The following AGBL4 variants were observed in gnomAD, a reference collection of about 807,000 sequenced individuals.
AGBL4 encodes the protein AGBL carboxypeptidase 4.
A neutral mutation model predicts 66.4 loss-of-function variants in AGBL4; 58 were observed. The ratio of observed to expected loss-of-function variants is 0.87; its 90% CI spans 0.71 to 1.09. The LOEUF (loss-of-function observed/expected upper bound fraction) is 1.09. Among genes scored for constraint, AGBL4 ranks in the 50% least tolerant of loss-of-function variants. The probability of loss-of-function intolerance (pLI) is 0.00; values close to 1 mark genes in which losing one functional copy is unlikely to be tolerated. For synonymous variants in AGBL4, 234 were observed against 222.9 expected, an observed-to-expected ratio of 1.05 and a Z score of -0.44; for missense variants, 579 against 631.0, an observed-to-expected ratio of 0.92 and a Z score of 0.88.
intron 4 of AGBL4, among the ~76,000 whole-genome samples, chr1:49,140,356 C>G (rs976446946): frequency 6.6e-6 from 1 of 152,236 alleles, no homozygotes; most frequent in Non-Finnish European, 1.5e-5. Flanking sequence ...GGGCAAAGAA[C>G]TAACAAATTC....
intron 1 of AGBL4, among the ~76,000 whole-genome samples, chr1:49,971,186 T>C (rs1487353183): frequency 6.6e-6 from 1 of 152,200 alleles, no homozygotes; most frequent in African/African-American, 2.4e-5. Context: ...CCAGAAACAA[T>C]TTATGAGTTT....
At chr1:49,291,261 ACT>A (rs1305597775) in intron 3 of AGBL4, among the ~76,000 whole-genome samples, 2 of 152,128 alleles carry the variant, frequency 1.3e-5, no homozygotes, top group African/African-American at 4.8e-5. Flanking sequence ...TTTTCAGAAG[ACT>A]CTCTTATATA....
chr1:49,834,261 C>T (rs1480877963), intron 2 of AGBL4, among the ~76,000 whole-genome samples: 3 of 152,060 alleles, frequency 2.0e-5, no homozygotes, highest in Non-Finnish European at 2.9e-5. Context: ...AATTTCAGAA[C>T]CTCTTATTGG....
intron 11 of AGBL4, among the ~76,000 whole-genome samples, chr1:48,545,242 T>C (rs1644139513): frequency 6.6e-6 from 1 of 152,224 alleles, no homozygotes; most frequent in African/African-American, 2.4e-5. Context: ...AAGGTGCCAC[T>C]GTAAGGTGTT....
At chr1:49,850,229 C>A (rs113264061) in intron 2 of AGBL4, among the ~76,000 whole-genome samples, 2 of 152,096 alleles carry the variant, frequency 1.3e-5, no homozygotes, top group African/African-American at 2.4e-5. Context: ...TATAGACATA[C>A]AGGGAGAACA....
At chr1:49,125,761 G>C (rs1187661211) in intron 4 of AGBL4, among the ~76,000 whole-genome samples, 1 of 152,122 alleles carries the variant, frequency 6.6e-6, no homozygotes, top group Non-Finnish European at 1.5e-5. Context: ...AGAGAGGGTA[G>C]ATGACTTTAC....
At chr1:49,619,416 T>C (rs998766412) in intron 3 of AGBL4, among the ~76,000 whole-genome samples, 2 of 152,108 alleles carry the variant, frequency 1.3e-5, no homozygotes, top group Non-Finnish European at 2.9e-5. Context: ...TTACAAGGGA[T>C]GTGAAGGACC....
intron 4 of AGBL4, among the ~76,000 whole-genome samples, chr1:49,100,757 C>T (rs533622963): frequency 7.2e-5 from 11 of 152,254 alleles, no homozygotes; most frequent in Non-Finnish European, 1.3e-4. Context: ...GCTAAGAGGG[C>T]TCCAGGAAGT....
chr1:48,893,005 T>C (rs1651124005), intron 5 of AGBL4, among the ~76,000 whole-genome samples: 1 of 152,160 alleles, frequency 6.6e-6, no homozygotes, highest in African/African-American at 2.4e-5. Context: ...CACACCTGCA[T>C]ATACACAGAC....
At chr1:48,712,050 CCCT>C (rs878952244) in intron 6 of AGBL4, among the ~76,000 whole-genome samples, 7 of 152,250 alleles carry the variant, frequency 4.6e-5, no homozygotes, top group Admixed American at 3.9e-4. Flanking sequence ...CTGTGCTACT[CCCT>C]CCTCTTCTTT....
intron 5 of AGBL4, among the ~76,000 whole-genome samples, chr1:48,917,761 A>G (rs1293172748): frequency 1.3e-5 from 2 of 152,218 alleles, no homozygotes; most frequent in Non-Finnish European, 2.9e-5. Context: ...TGACTTCCCT[A>G]AGGTCATACA....
intron 5 of AGBL4, among the ~76,000 whole-genome samples, chr1:48,872,933 G>A (rs1438599513): frequency 6.6e-6 from 1 of 152,162 alleles, no homozygotes; most frequent in Non-Finnish European, 1.5e-5. Flanking sequence ...TGCACTGGTT[G>A]AATACTAGGA....
chr1:48,698,566 G>C (rs1199764817), intron 6 of AGBL4, among the ~76,000 whole-genome samples: 2 of 152,198 alleles, frequency 1.3e-5, no homozygotes, highest in African/African-American at 4.8e-5. Context: ...CTGTCCTTTA[G>C]TCCTGCCCAG....
At chr1:49,704,077 G>T (rs1175157265) in intron 2 of AGBL4, among the ~76,000 whole-genome samples, 1 of 152,018 alleles carries the variant, frequency 6.6e-6, no homozygotes, top group Non-Finnish European at 1.5e-5. Flanking sequence ...AGAATTTGAA[G>T]AATACCTTAA....
rs181568572 is a variant in AGBL4, at chr1:49,539,044, A to T, written c.282+158269T>A. Among the ~76,000 whole-genome samples, 872 of 152,222 alleles carry T rather than the reference A, an allele frequency of 5.7e-3. 6 individuals carry two copies. Among genetic ancestry groups the T allele is most frequent in the Non-Finnish European group, 8.6e-3 (587 of 67,986 alleles). On this transcript the variant is annotated intron_variant, in intron 3 of 13. Coordinates refer to ENST00000371839, the MANE Select transcript of AGBL4 (RefSeq NM_032785.4). ...ATAACATAAAAATAGAAATAACCTA[A>T]CCTAAATTTCAAATAGTAAGTCTCC...
chr1:48,672,334 T>C (rs1303213481), intron 6 of AGBL4, among the ~76,000 whole-genome samples: 2 of 152,204 alleles, frequency 1.3e-5, no homozygotes, highest in Non-Finnish European at 2.9e-5. Flanking sequence ...AGCTAGCTGC[T>C]AGGCATGGCC....
chr1:48,786,048 C>G (rs1645400516), intron 6 of AGBL4, among the ~76,000 whole-genome samples: 1 of 151,958 alleles, frequency 6.6e-6, no homozygotes, highest in Non-Finnish European at 1.5e-5. Flanking sequence ...GGTTACCATT[C>G]TGAGTCAAAG....
At chr1:48,967,139 A>C (rs1196487536) in intron 5 of AGBL4, among the ~76,000 whole-genome samples, 3 of 152,106 alleles carry the variant, frequency 2.0e-5, no homozygotes, top group African/African-American at 4.8e-5. Flanking sequence ...AAACTCACTG[A>C]GCACTATTTC....
chr1:48,539,853 A>T (rs2148261242), intron 11 of AGBL4, 115 bp from the exon 12 acceptor site: 1 of 614,078 alleles, frequency 1.6e-6, no homozygotes, highest in African/African-American at 1.9e-5. Flanking sequence ...CATTGTTCTA[A>T]GCTTTTTGTA....
Sources: allele counts gnomAD v4.1 joint callset (sites outside exome capture counted in the v4.1 genomes callset), GRCh38; gene constraint gnomAD v4.1.1; transcripts MANE v1.5; gene names NCBI Gene and HGNC (gene_info 2026-07-23, HGNC 2026-07-21).